Variants in SCARB2 observed in about 807,000 individuals in gnomAD.
The protein encoded by SCARB2 is scavenger receptor class B member 2.
In SCARB2, 29 loss-of-function variants were observed where a neutral mutation model predicts 58.6. That is an observed-to-expected ratio of 0.49 (90% CI 0.37 to 0.67). SCARB2 has a LOEUF of 0.67. SCARB2 is among the 30% of genes least tolerant of loss of function. The probability of loss-of-function intolerance (pLI) is 0.00; values close to 1 mark genes in which losing one functional copy is unlikely to be tolerated. For missense variants in SCARB2, 488 were observed against 578.5 expected (o/e 0.84, Z 1.60); for synonymous variants, 195 against 210.1 (o/e 0.93, Z 0.62).
At chr4:76,219,628 G>A (rs1234059880) in intron 1 of SCARB2, among the ~76,000 whole-genome samples, 1 of 152,120 alleles carries the variant, frequency 6.6e-6, no homozygotes, top group African/African-American at 2.4e-5. Context: ...GAGAAAGGGG[G>A]GATGGAGAGT....
intron 1 of SCARB2, among the ~76,000 whole-genome samples, chr4:76,228,903 A>G (rs550673164): frequency 7.3e-6 from 1 of 137,172 alleles, no homozygotes; most frequent in African/African-American, 2.6e-5. Context: ...GATCTCCAGC[A>G]AGGCCAGGAA....
rs1419648858 is a variant in SCARB2 at position 76,179,357 on chromosome 4, A to C, written c.612+160T>G. The C allele has an allele frequency of 4.0e-5, 26 of 645,148 alleles. 1 individual carries two copies. Among genetic ancestry groups the C allele is most frequent in the Non-Finnish European group, 8.2e-6 (3 of 367,870 alleles). 40.0% of individuals were successfully genotyped at this position (645,148 alleles called of 1,614,324 possible). A position where few individuals can be genotyped will look rare whatever the true frequency, so the allele number is the denominator to read the frequency against. Reference sequence around the variant, plus strand: ...GCATTAGCCACCGCACCCGGCCTCAAGTTTTTTTTCTTTCCAAAAAACACT... The same window carrying C: ...GCATTAGCCACCGCACCCGGCCTCACGTTTTTTTTCTTTCCAAAAAACACT... On this transcript the variant is annotated intron_variant, in intron 4 of 11. Coordinates refer to ENST00000264896, the MANE Select transcript of SCARB2 (RefSeq NM_005506.4).
chr4:76,224,519 T>C (rs1468985076), intron 1 of SCARB2, among the ~76,000 whole-genome samples: 1 of 152,184 alleles, frequency 6.6e-6, no homozygotes, highest in Admixed American at 6.5e-5. Flanking sequence ...TGTTCATACA[T>C]CTTAAAAGGG....
chr4:76,161,661 T>A lies in SCARB2; in HGVS notation c.*52A>T. On this transcript the variant is annotated 3_prime_UTR_variant, in exon 12 of 12. Coordinates refer to ENST00000264896, the MANE Select transcript of SCARB2 (RefSeq NM_005506.4). ...GGAGGTGGAGGGTTTCCCCACGTCATCGTCCAGGTCAGGACAGCTCACACA... is the reference window on the plus strand; with the variant it reads ...GGAGGTGGAGGGTTTCCCCACGTCAACGTCCAGGTCAGGACAGCTCACACA... 2 of 1,595,666 alleles carry A rather than the reference T, an allele frequency of 1.3e-6. No individual in the cohort carries two copies. The highest frequency in any genetic ancestry group is 1.7e-6 in the Non-Finnish European group (2 of 1,163,136).
rs557483813 is a variant in SCARB2, at chr4:76,213,759, C to A, written c.-216G>T. The stretch of plus-strand genomic sequence containing the variant: ...CGGATGGGGCCGCGGAGGGACGGGC[C>A]CGGACTCGGTTTCGGTTTCCTTCGC... On this transcript the variant is annotated 5_prime_UTR_variant, in exon 1 of 12. Transcript: ENST00000264896. 9.5e-5 allele frequency: 43 copies of A among 451,556 alleles called. No individual in the cohort carries two copies. In the East Asian group the frequency reaches 1.1e-3, roughly 12 times the overall value. The allele number at this position is 451,556 out of a possible 1,614,324, so 28.0% of individuals were successfully genotyped here.
chr4:76,176,102 A>C, intron 5 of SCARB2, 192 bp from the exon 6 acceptor site: 1 of 689,292 alleles, frequency 1.5e-6, no homozygotes, highest in Non-Finnish European at 2.4e-6. Context: ...GCTTTCATAG[A>C]GGCAATGGCC....
At position 76,175,787 on chromosome 4, in the gene SCARB2, T is replaced by C. The variant is rs748684537; in HGVS notation, c.824+4A>G. On this transcript the variant is annotated splice_donor_region_variant and intron_variant, in intron 6 of 11. Coordinates refer to ENST00000264896, the MANE Select transcript of SCARB2 (RefSeq NM_005506.4). ...GAAAAAGAACTTATCTTTAAAGCTTTTACCTGCAAAAGTCAGATGGGAAGA... is the reference window on the plus strand; with the variant it reads ...GAAAAAGAACTTATCTTTAAAGCTTCTACCTGCAAAAGTCAGATGGGAAGA... 3 of 1,613,868 alleles carry C rather than the reference T, an allele frequency of 1.9e-6. No individual in the cohort carries two copies. In the African/African-American group the frequency reaches 4.0e-5, roughly 22 times the overall value.
exon 1 of SCARB2, chr4:76,234,305 C>G (rs1733545690): frequency 6.6e-6 from 1 of 152,550 alleles, no homozygotes; most frequent in Admixed American, 6.5e-5. Flanking sequence ...TCACTCACCG[C>G]TTCTTGAGCC....
In SCARB2 at chr4:76,159,247, T is replaced by TG. The variant is rs1358194481; in HGVS notation, c.*2465dup. Reference sequence around the variant, plus strand: ...ACAGTGCTTACAATCACAAAGCCTTTGGGGGTCTTTCTAAGATAACTGCCG... The same window carrying TG: ...ACAGTGCTTACAATCACAAAGCCTTTGGGGGGTCTTTCTAAGATAACTGCCG... On this transcript the variant is annotated 3_prime_UTR_variant, in exon 12 of 12. Transcript: ENST00000264896. The TG allele has an allele frequency of 4.6e-5, 7 of 152,200 alleles. No individual in the cohort carries two copies. Among genetic ancestry groups the TG allele is most frequent in the Non-Finnish European group, 1.0e-4 (7 of 68,042 alleles). 9.4% of individuals were successfully genotyped at this position (152,200 alleles called of 1,614,324 possible).
At chr4:76,166,156 T>G in intron 10 of SCARB2, 94 bp downstream of exon 10, 1 of 1,223,814 alleles carries the variant, frequency 8.2e-7, no homozygotes, top group Non-Finnish European at 1.2e-6. Flanking sequence ...TTTGCCCTTC[T>G]GTCATAACTT....
At position 76,170,463 on chromosome 4, in the gene SCARB2, C is replaced by G. The variant is rs577456300; in HGVS notation, c.995-478G>C. 2.4e-3 allele frequency among the ~76,000 whole-genome samples: 370 copies of G among 152,314 alleles called. 5 individuals are homozygous for G. In the South Asian group the frequency reaches 0.028, roughly 12 times the overall value. ...TTGTACCTCAAAGCACTAGTTTCAA[C>G]TACAATTCTCTATCAGTAAGTGGAC... On this transcript the variant is annotated intron_variant, in intron 7 of 11. Coordinates refer to ENST00000264896, the MANE Select transcript of SCARB2 (RefSeq NM_005506.4).
At chr4:76,172,211 TGTATATATACACATATATATGATATAC>T (rs1732147196) in intron 7 of SCARB2, among the ~76,000 whole-genome samples, 1 of 141,158 alleles carries the variant, frequency 7.1e-6, no homozygotes, top group Non-Finnish European at 1.5e-5. Context: ...TATATATATA[TGTATATATACACATATATATGATATAC>T]GTATATATAA....
At chr4:76,190,813 CAAA>C (rs1367499226) in intron 2 of SCARB2, among the ~76,000 whole-genome samples, 1 of 151,298 alleles carries the variant, frequency 6.6e-6, no homozygotes, top group Non-Finnish European at 1.5e-5. Flanking sequence ...AACAAACAAA[CAAA>C]AAATCATGGG....
intron 2 of SCARB2, among the ~76,000 whole-genome samples, chr4:76,191,523 GC>G (rs1732605454): frequency 6.6e-6 from 1 of 151,914 alleles, no homozygotes; most frequent in Non-Finnish European, 1.5e-5. Flanking sequence ...TCTTGCTCCT[GC>G]TCTGGCCATG....
At position 76,232,389 on chromosome 4, in the gene SCARB2, C is replaced by T. The variant is rs143447869; in HGVS notation, c.-358+1914G>A. ...AGCCTGTATTTGAGAGCACCTGTTA[C>T]AGTTCTACGGCTTATTCTAAATCAT... On this transcript the variant is annotated intron_variant, in intron 1 of 11. Coordinates refer to the SCARB2 transcript ENST00000638295. Among the ~76,000 whole-genome samples the T allele has an allele frequency of 1.8e-3, 274 of 152,144 alleles. 1 individual carries two copies. Among genetic ancestry groups the T allele is most frequent in the Middle Eastern group, 6.8e-3 (2 of 294 alleles).
At chr4:76,216,148 C>T (rs1560725375), upstream of SCARB2, among the ~76,000 whole-genome samples, 1 of 152,172 alleles carries the variant, frequency 6.6e-6, no homozygotes. Context: ...TTCTCTTCCC[C>T]TAATCCTGCC....
At chr4:76,165,274 T>C (rs549941241) in intron 10 of SCARB2, 4 of 152,270 alleles carry the variant, frequency 2.6e-5, no homozygotes, top group African/African-American at 9.6e-5. Flanking sequence ...CATCTTAGAA[T>C]TGTAATAACA....
At chr4:76,192,209 G>A (rs1732620722) in intron 2 of SCARB2, 1 of 152,242 alleles carries the variant, frequency 6.6e-6, no homozygotes, top group Non-Finnish European at 1.5e-5. Flanking sequence ...GAAGAGTTTG[G>A]AGGGCTCAGA....
intron 6 of SCARB2, chr4:76,174,728 T>C (rs1004522861): frequency 1.2e-5 from 3 of 245,630 alleles, no homozygotes. Flanking sequence ...GGCCGTGGCC[T>C]CGTAGGGTCT....
Sources: gnomAD v4.1 joint callset for allele counts (sites outside exome capture counted in the v4.1 genomes callset) on GRCh38, gnomAD v4.1.1 for gene constraint, MANE v1.5 for transcripts, NCBI Gene and HGNC (gene_info 2026-07-23, HGNC 2026-07-21) for gene names.